TSC22D4: variants seen among roughly 807,000 people sequenced by gnomAD.
TSC22D4 encodes TSC22 domain family member 4.
TSC22D4 carries 5 observed loss-of-function variants against 24.9 expected under a neutral mutation model. The observed-to-expected ratio is 0.20, with a 90% CI of 0.10 to 0.42. The LOEUF is 0.42. TSC22D4 is among the 10% of genes least tolerant of loss of function. The pLI is 1.00. For synonymous variants in TSC22D4, 245 were observed against 243.2 expected, an observed-to-expected ratio of 1.01 and a Z score of -0.07; for missense variants, 469 against 547.9, an observed-to-expected ratio of 0.86 and a Z score of 1.44.
rs572377403 is a variant in TSC22D4 at position 100,477,581 on chromosome 7, C to T, written c.458G>A (p.Arg153His). Residue 153 changes from arginine to histidine, a missense_variant, in exon 2 of 5, where the codon CGT (arginine) becomes CAT (histidine). Physicochemically the swap from Arg to His is conservative, Grantham distance 29. Coordinates refer to ENST00000300181, the MANE Select transcript of TSC22D4 (RefSeq NM_030935.5). This position sits in a 1 kb window ranked among gnomAD's most constrained non-coding sequence, Gnocchi z 7.8. ...AGGTCCAGGAGAGGTGGGGGGTGGA[C>T]GGAGCCAGGAGGTGGGGCCCTGAGA... Reference protein sequence around the residue: ...GLSQGPTSWLRPPPTSPGPQA... With the variant: ...GLSQGPTSWLHPPPTSPGPQA... 312 of 1,585,918 alleles carry T rather than the reference C, an allele frequency of 2.0e-4. 2 individuals carry two copies. The highest frequency in any genetic ancestry group is 8.5e-4 in the Middle Eastern group (5 of 5,916).
chr7:100,477,411 C>T lies in TSC22D4; in HGVS notation c.628G>A (p.Ala210Thr), dbSNP rs1435800234. ...TGESAGTSRA[A>T]TPLPSLRVEA... Reference sequence around the variant, plus strand: ...ACCCTCAGAGAGGGCAGGGGCGTGGCAGCCCGGGATGTGCCCGCACTCTCA... The same window carrying T: ...ACCCTCAGAGAGGGCAGGGGCGTGGTAGCCCGGGATGTGCCCGCACTCTCA... The change falls in exon 2 of 5, where the codon GCC becomes ACC. Residue 210 changes from alanine to threonine, a missense_variant. By Grantham distance (58) the Ala-to-Thr change is moderately conservative. Coordinates refer to ENST00000300181, the MANE Select transcript of TSC22D4 (RefSeq NM_030935.5). The surrounding 1 kb of genome is among the most constrained non-coding windows in gnomAD (Gnocchi z 7.8). 1 of 1,594,764 alleles carries T rather than the reference C, an allele frequency of 6.3e-7. No homozygotes were observed. The highest frequency in any genetic ancestry group is 8.5e-7 in the Non-Finnish European group (1 of 1,169,952).
At chr7:100,468,112 C>G (rs554578685) in intron 3 of TSC22D4, 4 of 350,166 alleles carry the variant, frequency 1.1e-5, no homozygotes, top group African/African-American at 2.2e-5. Context: ...ACACCACCCC[C>G]CCAAGGGCAA....
At chr7:100,470,812 C>T (rs1156552000) in intron 3 of TSC22D4, among the ~76,000 whole-genome samples, 1 of 152,188 alleles carries the variant, frequency 6.6e-6, no homozygotes, top group Non-Finnish European at 1.5e-5. Context: ...AAAATGCCCC[C>T]TTCTTCGAGA....
chr7:100,474,065 G>T lies in TSC22D4; in HGVS notation c.929+209C>A. On this transcript the variant is annotated intron_variant, in intron 3 of 4. Coordinates refer to ENST00000300181, the MANE Select transcript of TSC22D4 (RefSeq NM_030935.5). This position sits in a 1 kb window ranked among gnomAD's most constrained non-coding sequence, Gnocchi z 4.3. Reference sequence around the variant, plus strand: ...TCTGTGACCTGACAGTTCTGAGCCAGGGAGTCCCACCCAGCCCTCTCCACA... The same window carrying T: ...TCTGTGACCTGACAGTTCTGAGCCATGGAGTCCCACCCAGCCCTCTCCACA... 1.7e-6 allele frequency: 1 copy of T among 579,546 alleles called. No homozygotes were observed. Among genetic ancestry groups the T allele is most frequent in the East Asian group, 3.0e-5 (1 of 33,386 alleles). The allele number at this position is 579,546 out of a possible 1,614,324, so 35.9% of individuals were successfully genotyped here.
Position 100,478,216 on chromosome 7 carries a change from G to T in TSC22D4, c.-178C>A. The T allele has an allele frequency of 2.5e-6, 1 of 395,344 alleles. No homozygotes were observed. Among genetic ancestry groups the T allele is most frequent in the Non-Finnish European group, 4.7e-6 (1 of 211,538 alleles). The allele number at this position is 395,344 out of a possible 1,614,324, so 24.5% of individuals were successfully genotyped here. A position where few individuals can be genotyped will look rare whatever the true frequency, so the allele number is the denominator to read the frequency against. On this transcript the variant is annotated 5_prime_UTR_variant, in exon 2 of 5. Transcript: ENST00000300181. ...ACCGGGGGTGCCTGCTGGGTGAGGG[G>T]AGAAGAGGAGAGGGGAGGTGGCGGG...
chr7:100,474,216 C>T lies in TSC22D4; in HGVS notation c.929+58G>A, dbSNP rs1051450595. 3.0e-5 allele frequency: 48 copies of T among 1,596,554 alleles called. No homozygotes were observed. Among genetic ancestry groups the T allele is most frequent in the Middle Eastern group, 1.9e-4 (1 of 5,384 alleles). On this transcript the variant is annotated intron_variant, in intron 3 of 4. Coordinates refer to ENST00000300181, the MANE Select transcript of TSC22D4 (RefSeq NM_030935.5). The surrounding 1 kb of genome is among the most constrained non-coding windows in gnomAD (Gnocchi z 4.3). ...ACCAGGCACTTTCTTACAGCTACCCCGGGTGCTGGGCGGGGAACCTGAACC... is the reference window on the plus strand; with the variant it reads ...ACCAGGCACTTTCTTACAGCTACCCTGGGTGCTGGGCGGGGAACCTGAACC...
In TSC22D4 at chr7:100,477,270, G is replaced by A. The variant is rs373975657; in HGVS notation, c.762+7C>T. The A allele has an allele frequency of 1.3e-6, 2 of 1,493,084 alleles. No homozygotes were observed. The highest frequency in any genetic ancestry group is 2.8e-5 in the African/African-American group (2 of 70,828). The allele number at this position is 1,493,084 out of a possible 1,614,324, so 92.5% of individuals were successfully genotyped here. A position where few individuals can be genotyped will look rare whatever the true frequency, so the allele number is the denominator to read the frequency against. Reference sequence around the variant, plus strand: ...CTGATGGGCCAGCCCTAGAACCCAGGTCTTACCTGCCCCATCTCTTCTGGA... The same window carrying A: ...CTGATGGGCCAGCCCTAGAACCCAGATCTTACCTGCCCCATCTCTTCTGGA... On this transcript the variant is annotated splice_region_variant and intron_variant, in intron 2 of 4. Transcript: ENST00000300181. This position sits in a 1 kb window ranked among gnomAD's most constrained non-coding sequence, Gnocchi z 7.8.
chr7:100,469,921 C>T (rs887096780), intron 3 of TSC22D4, among the ~76,000 whole-genome samples: 4 of 149,866 alleles, frequency 2.7e-5, no homozygotes, highest in African/African-American at 9.8e-5. Flanking sequence ...ACAGGTGGAG[C>T]AACTAAGGAG....
At chr7:100,475,768 G>A (rs995991248) in intron 2 of TSC22D4, among the ~76,000 whole-genome samples, 7 of 151,900 alleles carry the variant, frequency 4.6e-5, no homozygotes, top group African/African-American at 1.7e-4. Context: ...CAAAAAGGGC[G>A]GGGGCGACAG....
chr7:100,467,524 C>T, intron 4 of TSC22D4, 28 bp downstream of exon 4: 1 of 1,613,104 alleles, frequency 6.2e-7, no homozygotes, highest in Non-Finnish European at 8.5e-7. Flanking sequence ...GGGCCAGGAC[C>T]TCCTGGGACC....
intron 3 of TSC22D4, among the ~76,000 whole-genome samples, chr7:100,473,397 G>A (rs546300497): frequency 9.9e-5 from 15 of 152,226 alleles, no homozygotes; most frequent in African/African-American, 3.4e-4. Context: ...GAGAAAGAGG[G>A]AGATGGAACT....
rs199980754 is a variant in TSC22D4 at position 100,477,478 on chromosome 7, C to T, written c.561G>A (p.Ser187=). The change falls in exon 2 of 5, where the codon TCG becomes TCA. Residue 187 remains serine (S), a synonymous_variant. Coordinates refer to ENST00000300181, the MANE Select transcript of TSC22D4 (RefSeq NM_030935.5). This position sits in a 1 kb window ranked among gnomAD's most constrained non-coding sequence, Gnocchi z 7.8. ...GGGGGCGCTGCTGGGGTGAGGAGGC[C>T]GACAGTGGGGGTTTCTCTGCCTTGG... ...SKAKAEKPPL[S]ASSPQQRPPE... 8.0e-5 allele frequency: 124 copies of T among 1,551,670 alleles called. No homozygotes were observed. In the African/African-American group the frequency reaches 1.2e-3, roughly 15 times the overall value.
chr7:100,469,457 G>A (rs1004798909), intron 3 of TSC22D4, among the ~76,000 whole-genome samples: 3 of 152,064 alleles, frequency 2.0e-5, no homozygotes, highest in African/African-American at 7.2e-5. Flanking sequence ...CCCCAGGGCC[G>A]GGCTCCAGGC....
intron 2 of TSC22D4, among the ~76,000 whole-genome samples, chr7:100,476,026 T>C (rs1799489718): frequency 7.1e-6 from 1 of 141,810 alleles, no homozygotes; most frequent in Non-Finnish European, 1.5e-5. Context: ...CGTCAGGAGG[T>C]GGGGGAAGGC....
chr7:100,478,109 C>T lies in TSC22D4; in HGVS notation c.-71G>A. On this transcript the variant is annotated 5_prime_UTR_variant, in exon 2 of 5. Coordinates refer to ENST00000300181, the MANE Select transcript of TSC22D4 (RefSeq NM_030935.5). ...GCTCCTTGAAGGGGCTCAGGCACCC[C>T]TGGAACAAGGGGGCCACATGGCGGG... 1 of 1,354,224 alleles carries T rather than the reference C, an allele frequency of 7.4e-7. No homozygotes were observed. The highest frequency in any genetic ancestry group is 1.0e-6 in the Non-Finnish European group (1 of 1,002,660). The allele number at this position is 1,354,224 out of a possible 1,614,324, so 83.9% of individuals were successfully genotyped here.
chr7:100,474,549 T>C lies in TSC22D4; in HGVS notation c.763-109A>G. 7.4e-7 allele frequency: 1 copy of C among 1,346,216 alleles called. No homozygotes were observed. Among genetic ancestry groups the C allele is most frequent in the Non-Finnish European group, 1.0e-6 (1 of 982,722 alleles). The allele number at this position is 1,346,216 out of a possible 1,614,324, so 83.4% of individuals were successfully genotyped here. ...TCCCTCTCCACCTCCCCACTCTCTTTCGAGGACCCAGGAGTCCTGTCCCCG... is the reference window on the plus strand; with the variant it reads ...TCCCTCTCCACCTCCCCACTCTCTTCCGAGGACCCAGGAGTCCTGTCCCCG... On this transcript the variant is annotated intron_variant, in intron 2 of 4. Transcript: ENST00000300181. The surrounding 1 kb of genome is among the most constrained non-coding windows in gnomAD (Gnocchi z 4.3).
Position 100,474,315 on chromosome 7 carries a change from G to A in TSC22D4, c.888C>T (p.Ser296=). 3.1e-6 allele frequency: 5 copies of A among 1,614,116 alleles called. No individual in the cohort carries two copies. The highest frequency in any genetic ancestry group is 3.4e-6 in the Non-Finnish European group (4 of 1,180,010). ...CTAGGTGACCACTGATGGCCAACAT[G>A]GAGTGGGCCAGGCTGAACTTCTGAG... is the stretch of plus-strand genomic sequence containing the variant. ...VAAQKFSLAH[S]MLAISGHLDS... Residue 296 remains serine, a synonymous_variant, in exon 3 of 5, where the codon TCC becomes TCT. Transcript: ENST00000300181. The surrounding 1 kb of genome is among the most constrained non-coding windows in gnomAD (Gnocchi z 4.3).
intron 3 of TSC22D4, among the ~76,000 whole-genome samples, chr7:100,470,045 T>A (rs1204702899): frequency 6.6e-6 from 1 of 151,358 alleles, no homozygotes; most frequent in Non-Finnish European, 1.5e-5. Context: ...AGCAGGAGGG[T>A]CAAAGTAATT....
At chr7:100,475,043 C>T (rs1438160986) in intron 2 of TSC22D4, among the ~76,000 whole-genome samples, 1 of 152,148 alleles carries the variant, frequency 6.6e-6, no homozygotes, top group Non-Finnish European at 1.5e-5. Context: ...TCAAGTGATC[C>T]TCCTGCCTCA....
Sources: allele counts gnomAD v4.1 joint callset (sites outside exome capture counted in the v4.1 genomes callset), GRCh38; gene constraint gnomAD v4.1.1; non-coding constraint Gnocchi (gnomAD v3.1); transcripts MANE v1.5; gene names NCBI Gene and HGNC (gene_info 2026-07-23, HGNC 2026-07-21).